Variants in BCKDHB observed in about 807,000 individuals in gnomAD.
BCKDHB encodes branched chain keto acid dehydrogenase E1 subunit beta, also known as 2-oxoisovalerate dehydrogenase subunit beta, mitochondrial.
BCKDHB carries 41 observed loss-of-function variants against 48.5 expected under a neutral mutation model. The ratio of observed to expected loss-of-function variants is 0.85; its 90% CI spans 0.66 to 1.10. BCKDHB has a LOEUF of 1.10. Ranked by LOEUF, BCKDHB falls within the 50% of genes least tolerant of loss-of-function variation. The probability of loss-of-function intolerance (pLI) is 0.00; values close to 1 mark genes in which losing one functional copy is unlikely to be tolerated. For missense variants in BCKDHB, 496 were observed against 494.2 expected, an observed-to-expected ratio of 1.00 and a Z score of -0.03; for synonymous variants, 201 against 174.8, an observed-to-expected ratio of 1.15 and a Z score of -1.18.
intron 8 of BCKDHB, among the ~76,000 whole-genome samples, chr6:80,268,351 A>G (rs775950376): frequency 3.3e-5 from 5 of 152,110 alleles, no homozygotes; most frequent in African/African-American, 4.8e-5. Context: ...TGATTTTACC[A>G]TTAGTTGTAC....
chr6:80,373,491 T>A, the BCKDHB span, among the ~76,000 whole-genome samples: 1 of 152,136 alleles, frequency 6.6e-6, no homozygotes, highest in Non-Finnish European at 1.5e-5. Context: ...TCTTTACTTT[T>A]GCTGGGTTTG....
intron 8 of BCKDHB, among the ~76,000 whole-genome samples, chr6:80,264,788 T>C (rs1777445279): frequency 6.6e-6 from 1 of 152,132 alleles, no homozygotes; most frequent in Non-Finnish European, 1.5e-5. Flanking sequence ...CTGAAAAGAT[T>C]TTCTTTCCAA....
intron 9 of BCKDHB, among the ~76,000 whole-genome samples, chr6:80,321,860 A>G (rs1359335783): frequency 6.6e-6 from 1 of 152,216 alleles, no homozygotes; most frequent in Non-Finnish European, 1.5e-5. Flanking sequence ...TGCACCTGCA[A>G]TTGATGGAAA....
chr6:80,273,203 A>T lies in BCKDHB; in HGVS notation c.1020A>T (p.Glu340Asp). The T allele has an allele frequency of 6.2e-7, 1 of 1,613,514 alleles. No individual in the cohort carries two copies. The highest frequency in any genetic ancestry group is 8.5e-7 in the Non-Finnish European group (1 of 1,179,604). The change falls in exon 9 of 10, where the codon GAA becomes GAT. Residue 340 changes from glutamate to aspartate, a missense_variant. Physicochemically the swap from Glu to Asp is conservative, Grantham distance 45. Coordinates refer to ENST00000320393, the MANE Select transcript of BCKDHB (RefSeq NM_183050.4). Reference protein sequence around the residue: ...EAPLTGGFASEISSTVQEECF... With the variant: ...EAPLTGGFASDISSTVQEECF... The stretch of plus-strand genomic sequence containing the variant: ...CCTTGACAGGCGGCTTTGCATCGGA[A>T]ATCAGCTCTACAGTTCAGGTAGAGT...
intron 8 of BCKDHB, among the ~76,000 whole-genome samples, chr6:80,252,446 A>G (rs1017523266): frequency 6.6e-6 from 1 of 152,200 alleles, no homozygotes; most frequent in African/African-American, 2.4e-5. Context: ...TTAATTCTCC[A>G]TTCACTGGTG....
At position 80,215,830 on chromosome 6, in the gene BCKDHB, C is replaced by T. The variant is rs1339793221; in HGVS notation, c.951+12618C>T. On this transcript the variant is annotated intron_variant, in intron 8 of 9. Transcript: ENST00000320393. ...ACGATCTCCACACTGCAATCTCCGCCTCTGGGGTTCAAGCCATTCTCCTGC... is the reference window on the plus strand; with the variant it reads ...ACGATCTCCACACTGCAATCTCCGCTTCTGGGGTTCAAGCCATTCTCCTGC... Among the ~76,000 whole-genome samples the T allele has an allele frequency of 1.1e-3, 169 of 152,278 alleles. 2 individuals carry two copies. The highest frequency in any genetic ancestry group is 5.9e-5 in the Non-Finnish European group (4 of 68,020).
In BCKDHB at chr6:80,188,664, C is replaced by T. The variant is rs537341693; in HGVS notation, c.743-12270C>T. ...TAAAAAACCCTCCAAAACCCCAAAACCCAAAAAACAAACTACCAATCGCTT... is the reference window on the plus strand; with the variant it reads ...TAAAAAACCCTCCAAAACCCCAAAATCCAAAAAACAAACTACCAATCGCTT... On this transcript the variant is annotated intron_variant, in intron 6 of 9. Coordinates refer to ENST00000320393, the MANE Select transcript of BCKDHB (RefSeq NM_183050.4). 5.9e-5 allele frequency among the ~76,000 whole-genome samples: 9 copies of T among 152,054 alleles called. No homozygotes were observed. In the East Asian group the frequency reaches 1.5e-3, roughly 26 times the overall value.
chr6:80,107,015 C>G, intron 1 of BCKDHB, 126 bp downstream of exon 1: 2 of 1,232,054 alleles, frequency 1.6e-6, no homozygotes, highest in South Asian at 2.6e-5. Flanking sequence ...TCCTGACTCT[C>G]TGGAACCTCC....
chr6:80,220,521 C>T (rs2127860266), intron 8 of BCKDHB, among the ~76,000 whole-genome samples: 1 of 148,472 alleles, frequency 6.7e-6, no homozygotes, highest in East Asian at 2.0e-4. Flanking sequence ...GGCTTTTCCA[C>T]TATGGAAAAA....
At chr6:80,237,466 C>T (rs956281577) in intron 8 of BCKDHB, among the ~76,000 whole-genome samples, 6 of 151,948 alleles carry the variant, frequency 3.9e-5, no homozygotes, top group African/African-American at 7.3e-5. Flanking sequence ...CCAGTGGTTG[C>T]GAAAAAATAA....
chr6:80,400,543 T>A, the BCKDHB span, among the ~76,000 whole-genome samples: 3 of 152,034 alleles, frequency 2.0e-5, no homozygotes, highest in Non-Finnish European at 4.4e-5. Context: ...CTAGTCAGAA[T>A]GGCTATTAGT....
At chr6:80,417,684 G>A in the BCKDHB span, among the ~76,000 whole-genome samples, 1 of 152,136 alleles carries the variant, frequency 6.6e-6, no homozygotes, top group Non-Finnish European at 1.5e-5. Flanking sequence ...GGTTTGTAGG[G>A]TTTCTGCTGA....
intron 9 of BCKDHB, among the ~76,000 whole-genome samples, chr6:80,317,327 T>C (rs1011939153): frequency 5.3e-5 from 8 of 152,218 alleles, no homozygotes; most frequent in African/African-American, 1.9e-4. Flanking sequence ...CACATATCAA[T>C]GGTCTAAAAT....
the BCKDHB span, among the ~76,000 whole-genome samples, chr6:80,358,351 G>A: frequency 6.6e-6 from 1 of 152,056 alleles, no homozygotes; most frequent in East Asian, 1.9e-4. Context: ...CAGGCTATGA[G>A]TTGTTACTTT....
At chr6:80,173,503 T>A (rs114218185) in intron 6 of BCKDHB, among the ~76,000 whole-genome samples, 1 of 152,258 alleles carries the variant, frequency 6.6e-6, no homozygotes, top group African/African-American at 2.4e-5. Flanking sequence ...TAATCATCAC[T>A]GCTAGCTTAT....
intron 8 of BCKDHB, among the ~76,000 whole-genome samples, chr6:80,255,704 T>G (rs1441291874): frequency 6.6e-6 from 1 of 152,174 alleles, no homozygotes; most frequent in Non-Finnish European, 1.5e-5. Context: ...GTCCATGTGT[T>G]TAGAGAACAA....
At chr6:80,219,737 G>C (rs1337146110) in intron 8 of BCKDHB, among the ~76,000 whole-genome samples, 1 of 152,160 alleles carries the variant, frequency 6.6e-6, no homozygotes, top group Admixed American at 6.5e-5. Flanking sequence ...ACTTGTGTTA[G>C]GTAAAATGTT....
chr6:80,210,772 T>C (rs1401427435), intron 8 of BCKDHB, among the ~76,000 whole-genome samples: 1 of 152,138 alleles, frequency 6.6e-6, no homozygotes, highest in Non-Finnish European at 1.5e-5. Flanking sequence ...TCAGCTCAGC[T>C]GTCATGCTGA....
chr6:80,308,919 A>C (rs904463588), intron 9 of BCKDHB, among the ~76,000 whole-genome samples: 11 of 151,942 alleles, frequency 7.2e-5, no homozygotes, highest in Admixed American at 6.6e-4. Context: ...ATTCACATGT[A>C]TATACCTACC....
Sources: gnomAD v4.1 joint callset for allele counts (sites outside exome capture counted in the v4.1 genomes callset) on GRCh38, gnomAD v4.1.1 for gene constraint, MANE v1.5 for transcripts, NCBI Gene and HGNC (gene_info 2026-07-23, HGNC 2026-07-21) for gene names.